Variants in PSMD6 observed in about 807,000 individuals in gnomAD.
PSMD6 encodes proteasome 26S subunit, non-ATPase 6.
Under a neutral mutation model 44.9 loss-of-function variants are expected in PSMD6, and 7 were observed. The observed-to-expected ratio is 0.16, with a 90% CI of 0.09 to 0.29. The LOEUF (loss-of-function observed/expected upper bound fraction) is 0.29, where lower values mean the gene tolerates loss of function less well. Ranked by LOEUF, PSMD6 falls within the 10% of genes least tolerant of loss-of-function variation. PSMD6 has a pLI of 1.00. For synonymous variants in PSMD6, 184 were observed against 172.7 expected (o/e 1.07, Z -0.51); for missense variants, 420 against 482.6 (o/e 0.87, Z 1.21).
chr3:64,021,220 A>G (rs1362159375), intron 2 of PSMD6, among the ~76,000 whole-genome samples: 1 of 152,236 alleles, frequency 6.6e-6, no homozygotes, highest in Non-Finnish European at 1.5e-5. Flanking sequence ...AAAACAACAC[A>G]TATGTCCAAC....
chr3:64,010,652 T>A lies in PSMD6; in HGVS notation c.*16A>T. The A allele has an allele frequency of 6.5e-7, 1 of 1,532,368 alleles. No homozygotes were observed. The highest frequency in any genetic ancestry group is 9.0e-7 in the Non-Finnish European group (1 of 1,115,066). 94.9% of individuals were successfully genotyped at this position (1,532,368 alleles called of 1,614,324 possible). On this transcript the variant is annotated 3_prime_UTR_variant, in exon 8 of 8. Coordinates refer to ENST00000295901, the MANE Select transcript of PSMD6 (RefSeq NM_014814.3). ...ATAATTATCTCTAAAGCAAATCCTTTGTTAGTTACATGGCTTTACATATTA... is the reference window on the plus strand; with the variant it reads ...ATAATTATCTCTAAAGCAAATCCTTAGTTAGTTACATGGCTTTACATATTA...
In PSMD6 at chr3:64,020,137, ATTTTG is replaced by A. The variant is rs201943553; in HGVS notation, c.352-701_352-697del. On this transcript the variant is annotated intron_variant, in intron 2 of 7. Transcript: ENST00000295901. The stretch of plus-strand genomic sequence containing the variant: ...TGAAAATAACAGGTGAACCTGTGAC[ATTTTG>A]TTTTATCAGAAAATAAGACTAATGA... 2.6e-3 allele frequency among the ~76,000 whole-genome samples: 390 copies of A among 152,320 alleles called. 13 individuals are homozygous for A. In the East Asian group the frequency reaches 0.071, roughly 28 times the overall value.
At chr3:64,011,938 C>T (rs1175117833) in intron 6 of PSMD6, 1 of 152,300 alleles carries the variant, frequency 6.6e-6, no homozygotes. Flanking sequence ...ATGCCCAGCC[C>T]GCACCCTAAT....
intron 3 of PSMD6, 38 bp from the exon 4 acceptor site, chr3:64,019,075 A>C: frequency 6.5e-7 from 1 of 1,532,608 alleles, no homozygotes; most frequent in Non-Finnish European, 9.0e-7. Flanking sequence ...GTCTGGAAAC[A>C]GACAAGGCCA....
At position 64,019,457 on chromosome 3, in the gene PSMD6, A is replaced by C. The variant is rs2076096860; in HGVS notation, c.352-16T>G. ...GAGCTCCCTCCTGTCAAGAAAGCCA[A>C]GGCAATAGGTGAGAAAAGGCTACAA... On this transcript the variant is annotated splice_polypyrimidine_tract_variant and intron_variant, in intron 2 of 7. Coordinates refer to ENST00000295901, the MANE Select transcript of PSMD6 (RefSeq NM_014814.3). 1.9e-6 allele frequency: 3 copies of C among 1,604,152 alleles called. No homozygotes were observed. The African/African-American group carries it at 4.0e-5, about 22-fold the overall frequency.
chr3:64,013,431 A>C lies in PSMD6; in HGVS notation c.995+8T>G. 6.5e-7 allele frequency: 1 copy of C among 1,550,218 alleles called. No individual in the cohort carries two copies. The highest frequency in any genetic ancestry group is 8.7e-7 in the Non-Finnish European group (1 of 1,150,416). ...AACTTCAATTAACATGGCATTATTC[A>C]AACTTACTGATCAATGAATTCCACA... On this transcript the variant is annotated splice_region_variant and intron_variant, in intron 6 of 7. Coordinates refer to ENST00000295901, the MANE Select transcript of PSMD6 (RefSeq NM_014814.3).
At chr3:64,021,099 C>T (rs928938067) in intron 2 of PSMD6, among the ~76,000 whole-genome samples, 1 of 152,028 alleles carries the variant, frequency 6.6e-6, no homozygotes, top group Non-Finnish European at 1.5e-5. Context: ...TGTTCATTGT[C>T]CCGGCGATTT....
intron 2 of PSMD6, among the ~76,000 whole-genome samples, chr3:64,021,441 C>T (rs555281381): frequency 1.3e-5 from 2 of 152,282 alleles, no homozygotes; most frequent in African/African-American, 4.8e-5. Context: ...AAAATTTCTG[C>T]AAGTATTAAC....
intron 6 of PSMD6, chr3:64,012,637 A>G (rs1477498434): frequency 3.3e-5 from 5 of 152,130 alleles, no homozygotes; most frequent in Non-Finnish European, 7.3e-5. Context: ...AAAATCTCCT[A>G]CCACTCCAAC....
chr3:64,016,029 T>G (rs974463319), intron 5 of PSMD6: 8 of 151,598 alleles, frequency 5.3e-5, no homozygotes, highest in Non-Finnish European at 1.0e-4. Flanking sequence ...CTACTAAAAA[T>G]ACAAAAAATT....
At chr3:64,023,178 G>C (rs546457011) in intron 1 of PSMD6, 97 bp downstream of exon 1, 5 of 1,442,822 alleles carry the variant, frequency 3.5e-6, no homozygotes, top group South Asian at 2.8e-5. Context: ...CCCCGTCAGA[G>C]GGGTCTGGAG....
upstream of PSMD6, chr3:64,023,630 C>A (rs1007541684): frequency 4.9e-5 from 70 of 1,416,872 alleles, no homozygotes; most frequent in Non-Finnish European, 6.3e-5. Context: ...GGCTTTTCCA[C>A]CCTCAAGGCC....
At chr3:64,013,162 A>G (rs546852754) in intron 6 of PSMD6, 37 of 287,764 alleles carry the variant, frequency 1.3e-4, no homozygotes, top group African/African-American at 6.7e-4. Flanking sequence ...GAAGTAACAG[A>G]AGACAACTTT....
intron 5 of PSMD6, 107 bp downstream of exon 5, chr3:64,018,492 T>C (rs2076082166): frequency 1.3e-6 from 1 of 795,326 alleles, no homozygotes; most frequent in African/African-American, 1.7e-5. Context: ...TGCAGCTACC[T>C]ACACACTACA....
At chr3:64,014,500 G>A (rs2076013592) in intron 5 of PSMD6, 1 of 152,050 alleles carries the variant, frequency 6.6e-6, no homozygotes, top group Non-Finnish European at 1.5e-5. Context: ...ACAGAGCAAT[G>A]TAAATGATAC....
At chr3:64,011,005 G>C (rs1559671898) in intron 6 of PSMD6, 50 bp from the exon 7 acceptor site, 2 of 1,436,922 alleles carry the variant, frequency 1.4e-6, no homozygotes, top group Admixed American at 2.1e-5. Flanking sequence ...AAAATTCTTA[G>C]AAAAATGCAA....
At chr3:64,017,816 A>G (rs2076071262) in intron 5 of PSMD6, 1 of 152,182 alleles carries the variant, frequency 6.6e-6, no homozygotes, top group African/African-American at 2.4e-5. Flanking sequence ...TTAACCAAAC[A>G]CCTTCTGAAA....
upstream of PSMD6, chr3:64,023,526 T>TACAC: frequency 7.1e-7 from 1 of 1,416,704 alleles, no homozygotes; most frequent in Non-Finnish European, 9.3e-7. Flanking sequence ...GCGGCCCGGC[T>TACAC]TCCGGTCCCG....
chr3:64,011,871 C>T (rs1406793197), intron 6 of PSMD6: 1 of 152,520 alleles, frequency 6.6e-6, no homozygotes, highest in Non-Finnish European at 1.5e-5. Context: ...CCGTTTTTCT[C>T]ATGCACTGCT....
Sources: allele counts gnomAD v4.1 joint callset (sites outside exome capture counted in the v4.1 genomes callset), GRCh38; gene constraint gnomAD v4.1.1; transcripts MANE v1.5; gene names NCBI Gene and HGNC (gene_info 2026-07-23, HGNC 2026-07-21).